Variants in RNF213 observed in about 807,000 individuals in gnomAD.
The protein encoded by RNF213 is E3 ubiquitin-protein ligase RNF213.
In RNF213, 341 loss-of-function variants were observed where a neutral mutation model predicts 514.4. The ratio of observed to expected loss-of-function variants is 0.66; its 90% confidence interval spans 0.61 to 0.73. The LOEUF (loss-of-function observed/expected upper bound fraction) is 0.73. RNF213 is among the 30% of genes least tolerant of loss of function. RNF213 has a pLI of 0.00. For missense variants in RNF213, 5,767 were observed against 6,615.6 expected (o/e 0.87, Z 4.45); for synonymous variants, 2,655 against 2,658.2 (o/e 1.00, Z 0.04).
At chr17:80,339,153 CCCTCTCGCATGGCTCTGTGAGCCAA>C in intron 25 of RNF213, 23 bp from the exon 26 acceptor site, 1 of 1,418,934 alleles carries the variant, frequency 7.0e-7, no homozygotes, top group African/African-American at 1.4e-5. Context: ...TAGCGTGTTA[CCCTCTCGCATGGCTCTGTGAGCCAA>C]CCTCATGGTT....
At chr17:80,352,424 G>A (rs1005764659) in intron 32 of RNF213, 4 of 358,562 alleles carry the variant, frequency 1.1e-5, no homozygotes, top group South Asian at 7.7e-5. Flanking sequence ...TGTCAGGAAC[G>A]CACCGATACG....
chr17:80,285,582 T>TGTC (rs2044441854), intron 3 of RNF213, among the ~76,000 whole-genome samples: 1 of 152,132 alleles, frequency 6.6e-6, no homozygotes, highest in Non-Finnish European at 1.5e-5. Context: ...CTGACCAGCC[T>TGTC]GTCATTCAGA....
At chr17:80,280,412 T>C (rs2044217425) in intron 3 of RNF213, among the ~76,000 whole-genome samples, 1 of 152,116 alleles carries the variant, frequency 6.6e-6, no homozygotes, top group Admixed American at 6.6e-5. Context: ...ACCAACTAAT[T>C]AATGTATAAC....
In RNF213 at chr17:80,374,394, T is replaced by C; in HGVS notation, c.12943-64T>C. 9 of 1,607,362 alleles carry C rather than the reference T, an allele frequency of 5.6e-6. No individual in the cohort carries two copies. The South Asian group carries it at 9.9e-5, about 18-fold the overall frequency. On this transcript the variant is annotated intron_variant, in intron 49 of 67. Coordinates refer to ENST00000582970, the MANE Select transcript of RNF213 (RefSeq NM_001256071.3). ...ATCAACCACCTGGTTCCTGTACCCG[T>C]TCAGACGGTTCTTTGCAAGACATTC...
intron 15 of RNF213, among the ~76,000 whole-genome samples, chr17:80,313,908 G>T (rs1173950592): frequency 6.1e-4 from 9 of 14,826 alleles, no homozygotes; most frequent in Admixed American, 1.3e-3. Flanking sequence ...GGTGGTGGTG[G>T]TGGTGATGGT....
chr17:80,294,852 A>G lies in RNF213; in HGVS notation c.1604A>G (p.Asp535Gly). Residue 535 changes from aspartate (D) to glycine (G), a missense_variant, in exon 9 of 68, where the codon GAC becomes GGC. Coordinates refer to ENST00000582970, the MANE Select transcript of RNF213 (RefSeq NM_001256071.3). Reference protein sequence around the residue: ...GKQIAAALMLDSTFSILQTWD... With the variant: ...GKQIAAALMLGSTFSILQTWD... Reference sequence around the variant, plus strand: ...CAGATTGCCGCTGCGCTCATGCTGGACAGCACCTTCAGCATCCTGCAGACC... The same window carrying G: ...CAGATTGCCGCTGCGCTCATGCTGGGCAGCACCTTCAGCATCCTGCAGACC... The G allele has an allele frequency of 1.2e-6, 2 of 1,614,218 alleles. No homozygotes were observed. Among genetic ancestry groups the G allele is most frequent in the Non-Finnish European group, 1.7e-6 (2 of 1,180,048 alleles).
At chr17:80,359,213 G>T (rs1218105408) in intron 37 of RNF213, among the ~76,000 whole-genome samples, 1 of 151,982 alleles carries the variant, frequency 6.6e-6, no homozygotes, top group East Asian at 1.9e-4. Flanking sequence ...AATTCTGGAT[G>T]TAGATTTATA....
chr17:80,382,022 C>T, intron 57 of RNF213: 1 of 425,778 alleles, frequency 2.3e-6, no homozygotes, highest in East Asian at 5.0e-5. Flanking sequence ...CGCAAGTGTT[C>T]AGTGTGCATA....
At chr17:80,318,177 A>T (rs1165081667) in intron 16 of RNF213, among the ~76,000 whole-genome samples, 1 of 152,178 alleles carries the variant, frequency 6.6e-6, no homozygotes, top group Non-Finnish European at 1.5e-5. Flanking sequence ...TATAGGCACA[A>T]GATAGGGGGC....
At chr17:80,309,651 C>A (rs2045496531) in intron 14 of RNF213, among the ~76,000 whole-genome samples, 1 of 152,208 alleles carries the variant, frequency 6.6e-6, no homozygotes. Context: ...CATCTGCCCC[C>A]CGCTGCATGT....
chr17:80,368,137 C>T lies in RNF213; in HGVS notation c.12149C>T (p.Ala4050Val), dbSNP rs774588883. The change falls in exon 44 of 68, where the codon GCG becomes GTG. Residue 4050 changes from alanine to valine, a missense_variant. Transcript: ENST00000582970. ...PDEFSPAVSQ[A>V]HREAIEKHAR... ...GAATTCTCTCCAGCTGTTTCCCAAG[C>T]GCACAGGTACAACACCCTTTCTCTC... 47 of 1,614,064 alleles carry T rather than the reference C, an allele frequency of 2.9e-5. No homozygotes were observed. The highest frequency in any genetic ancestry group is 3.5e-5 in the Non-Finnish European group (41 of 1,179,998).
intron 17 of RNF213, among the ~76,000 whole-genome samples, chr17:80,323,739 G>A (rs966153995): frequency 6.6e-6 from 1 of 151,064 alleles, no homozygotes; most frequent in Non-Finnish European, 1.5e-5. Context: ...ACAGGCATGA[G>A]CCACCATTCC....
At chr17:80,333,720 T>C (rs1298840144) in intron 21 of RNF213, 22 of 165,920 alleles carry the variant, frequency 1.3e-4, no homozygotes, top group African/African-American at 5.4e-4. Context: ...AAAAAAAACC[T>C]GGAATCCCAT....
chr17:80,382,667 G>A (rs1374503516), intron 57 of RNF213: 2 of 344,682 alleles, frequency 5.8e-6, no homozygotes, highest in African/African-American at 2.1e-5. Flanking sequence ...CAGCAGCTGA[G>A]ACGGCTGGCG....
intron 44 of RNF213, 63 bp downstream of exon 44, chr17:80,368,206 A>G (rs2079357741): frequency 6.5e-7 from 1 of 1,540,816 alleles, no homozygotes; most frequent in African/African-American, 1.4e-5. Flanking sequence ...GGCAAACACA[A>G]TATTCAGAAA....
intron 19 of RNF213, 78 bp from the exon 20 acceptor site, chr17:80,328,250 G>A (rs2046329052): frequency 8.9e-6 from 13 of 1,452,570 alleles, no homozygotes; most frequent in South Asian, 2.8e-5. Context: ...GGGAAGGTGC[G>A]GCGCTTTCAA....
intron 38 of RNF213, among the ~76,000 whole-genome samples, chr17:80,361,317 G>A (rs1005085228): frequency 5.9e-5 from 9 of 152,100 alleles, no homozygotes; most frequent in South Asian, 2.1e-4. Context: ...TCAGGAGTTC[G>A]AGACCAGCCT....
In RNF213 at chr17:80,303,544, CCTTTT is replaced by C. The variant is rs1479722467; in HGVS notation, c.2211-2702_2211-2698del. On this transcript the variant is annotated intron_variant, in intron 11 of 67. Transcript: ENST00000582970. ...AAAGCCTTTGGAAACCAATTCTATT[CCTTTT>C]CTTTTTTCTTTTCTTTTCTTTTTTT... 1.8e-3 allele frequency among the ~76,000 whole-genome samples: 269 copies of C among 151,496 alleles called. 1 individual carries two copies. Among genetic ancestry groups the C allele is most frequent in the African/African-American group, 6.3e-3 (257 of 41,100 alleles).
At chr17:80,387,918 C>T (rs570310943) in intron 63 of RNF213, among the ~76,000 whole-genome samples, 1 of 152,216 alleles carries the variant, frequency 6.6e-6, no homozygotes, top group East Asian at 1.9e-4. Context: ...TACGGTACCA[C>T]CCGCAACTGG....
Sources: gnomAD v4.1 joint callset for allele counts (sites outside exome capture counted in the v4.1 genomes callset) on GRCh38, gnomAD v4.1.1 for gene constraint, MANE v1.5 for transcripts, NCBI Gene and HGNC (gene_info 2026-07-23, HGNC 2026-07-21) for gene names.